Variants in PIP5K1B observed in about 807,000 individuals in gnomAD.
PIP5K1B encodes the protein phosphatidylinositol-4-phosphate 5-kinase type 1 beta.
A neutral mutation model predicts 67.0 loss-of-function variants in PIP5K1B; 42 were observed. That is an observed-to-expected ratio of 0.63 (90% CI 0.49 to 0.81). The LOEUF is 0.81. Among genes scored for constraint, PIP5K1B ranks in the 30% least tolerant of loss-of-function variants. PIP5K1B has a pLI of 0.00. For synonymous variants in PIP5K1B, 214 were observed against 231.4 expected (o/e 0.92, Z 0.68); for missense variants, 459 against 646.3 (o/e 0.71, Z 3.14).
intron 2 of PIP5K1B, among the ~76,000 whole-genome samples, chr9:68,748,971 G>C (rs1283144337): frequency 1.3e-5 from 2 of 152,098 alleles, no homozygotes; most frequent in Non-Finnish European, 2.9e-5. Context: ...AAAAGAATGA[G>C]CTTCTGAGGT....
rs200418526 is a variant in PIP5K1B, at chr9:68,839,744, AC to A, written c.69+17063del. ...TCAAGCCTAGGGGAGCCCTGATGTAACCAGAGCCTGAGATGGAGACGTCTTG... is the reference window on the plus strand; with the variant it reads ...TCAAGCCTAGGGGAGCCCTGATGTAACAGAGCCTGAGATGGAGACGTCTTG... On this transcript the variant is annotated intron_variant, in intron 4 of 15. Transcript: ENST00000265382. Among the ~76,000 whole-genome samples, 1,380 of 152,324 alleles carry A rather than the reference AC, an allele frequency of 9.1e-3. 8 individuals carry two copies. Among genetic ancestry groups the A allele is most frequent in the Middle Eastern group, 0.034 (10 of 294 alleles).
At chr9:68,715,668 G>A (rs746483430) in intron 1 of PIP5K1B, among the ~76,000 whole-genome samples, 2 of 151,984 alleles carry the variant, frequency 1.3e-5, no homozygotes, top group African/African-American at 2.4e-5. Context: ...CCATAGTGTC[G>A]GCACATGTAG....
At chr9:68,752,378 T>C (rs1281242322) in intron 2 of PIP5K1B, among the ~76,000 whole-genome samples, 2 of 152,248 alleles carry the variant, frequency 1.3e-5, no homozygotes, top group Non-Finnish European at 2.9e-5. Flanking sequence ...ACTTACATAG[T>C]TAGTGCAAGG....
intron 2 of PIP5K1B, chr9:68,781,660 T>A: frequency 6.0e-6 from 1 of 166,978 alleles, no homozygotes. Flanking sequence ...AGTAAACTTT[T>A]AAGAAAAACA....
At position 68,893,532 on chromosome 9, in the gene PIP5K1B, C is replaced by T. The variant is rs529383441; in HGVS notation, c.472-807C>T. Reference sequence around the variant, plus strand: ...AATTTTTAGTAGAGACAGGGTTTCACCATGCTAGCCAGGCTGGTCTCGAAC... The same window carrying T: ...AATTTTTAGTAGAGACAGGGTTTCATCATGCTAGCCAGGCTGGTCTCGAAC... On this transcript the variant is annotated intron_variant, in intron 7 of 15. Transcript: ENST00000265382. Among the ~76,000 whole-genome samples, 4 of 152,080 alleles carry T rather than the reference C, an allele frequency of 2.6e-5. No individual in the cohort carries two copies. The East Asian group carries it at 7.8e-4, about 29-fold the overall frequency.
At chr9:68,845,446 A>G (rs1387544531) in intron 4 of PIP5K1B, among the ~76,000 whole-genome samples, 1 of 152,074 alleles carries the variant, frequency 6.6e-6, no homozygotes, top group Non-Finnish European at 1.5e-5. Context: ...TTTGGAGGAG[A>G]GTGCATCTCT....
chr9:68,751,492 A>T (rs115992011), intron 2 of PIP5K1B, among the ~76,000 whole-genome samples: 31 of 152,332 alleles, frequency 2.0e-4, no homozygotes, highest in African/African-American at 7.2e-4. Flanking sequence ...TTTCACAAAG[A>T]TTGAGATGAG....
chr9:69,004,865 CTG>C (rs1831001500), intron 15 of PIP5K1B, among the ~76,000 whole-genome samples: 1 of 152,180 alleles, frequency 6.6e-6, no homozygotes, highest in Middle Eastern at 3.2e-3. Flanking sequence ...ATACTTCTCA[CTG>C]TGGCCATGTT....
chr9:68,955,008 A>T (rs1828312959), intron 14 of PIP5K1B, among the ~76,000 whole-genome samples: 1 of 152,280 alleles, frequency 6.6e-6, no homozygotes, highest in Non-Finnish European at 1.5e-5. Context: ...TTGTATAAAT[A>T]GTCACAATAG....
At chr9:68,756,274 A>C (rs1829921424) in intron 2 of PIP5K1B, among the ~76,000 whole-genome samples, 1 of 152,254 alleles carries the variant, frequency 6.6e-6, no homozygotes, top group Non-Finnish European at 1.5e-5. Context: ...AAGCCGAAAA[A>C]GGAAGAGCTT....
chr9:68,993,249 G>C (rs1321194130), intron 15 of PIP5K1B, among the ~76,000 whole-genome samples: 1 of 151,656 alleles, frequency 6.6e-6, no homozygotes, highest in Non-Finnish European at 1.5e-5. Flanking sequence ...CCTCTTCCTT[G>C]CTGATGCTAT....
intron 12 of PIP5K1B, among the ~76,000 whole-genome samples, chr9:68,927,479 G>T (rs1477992112): frequency 6.6e-6 from 1 of 152,158 alleles, no homozygotes; most frequent in African/African-American, 2.4e-5. Context: ...TAGGTATGAA[G>T]TAGTATCTCA....
At chr9:68,754,247 GC>G (rs919239661) in intron 2 of PIP5K1B, among the ~76,000 whole-genome samples, 2 of 141,874 alleles carry the variant, frequency 1.4e-5, no homozygotes, top group African/African-American at 2.7e-5. Flanking sequence ...TTGGCTCACT[GC>G]AAGCTCCACC....
intron 6 of PIP5K1B, among the ~76,000 whole-genome samples, chr9:68,885,900 G>A (rs2132362938): frequency 6.6e-6 from 1 of 152,276 alleles, no homozygotes; most frequent in Admixed American, 6.5e-5. Flanking sequence ...AGAAAAATTT[G>A]GCCAGGTGCG....
intron 15 of PIP5K1B, among the ~76,000 whole-genome samples, chr9:68,997,364 A>G (rs1830642470): frequency 6.6e-6 from 1 of 152,228 alleles, no homozygotes. Context: ...TGTTGGAGCC[A>G]GTATCCGCTG....
intron 2 of PIP5K1B, among the ~76,000 whole-genome samples, chr9:68,778,878 C>G (rs1831063160): frequency 6.6e-6 from 1 of 152,174 alleles, no homozygotes; most frequent in African/African-American, 2.4e-5. Flanking sequence ...GGCCTTAGCA[C>G]TTGCTATTCT....
intron 2 of PIP5K1B, among the ~76,000 whole-genome samples, chr9:68,758,403 T>G (rs1830035433): frequency 1.3e-5 from 2 of 152,002 alleles, no homozygotes; most frequent in Admixed American, 1.3e-4. Context: ...TCTCAGCAAA[T>G]GAATACATGA....
chr9:68,961,878 T>TAGA (rs1047402110), intron 14 of PIP5K1B, among the ~76,000 whole-genome samples: 4 of 152,150 alleles, frequency 2.6e-5, no homozygotes, highest in African/African-American at 9.7e-5. Flanking sequence ...TGCATGTTGG[T>TAGA]AGAAGTTTTG....
intron 2 of PIP5K1B, chr9:68,789,010 A>G: frequency 2.6e-6 from 1 of 381,240 alleles, no homozygotes; most frequent in Non-Finnish European, 5.1e-6. Flanking sequence ...GGGAAGTGTA[A>G]GGTCTGGCAT....
Sources: gnomAD v4.1 joint callset for allele counts (sites outside exome capture counted in the v4.1 genomes callset) on GRCh38, gnomAD v4.1.1 for gene constraint, MANE v1.5 for transcripts, NCBI Gene and HGNC (gene_info 2026-07-23, HGNC 2026-07-21) for gene names.